Variants in EXOG observed in about 807,000 individuals in gnomAD.
EXOG encodes the protein exo/endonuclease G.
In EXOG, 27 loss-of-function variants were observed where a neutral mutation model predicts 25.8. That is an observed-to-expected ratio of 1.05 (90% CI 0.77 to 1.45). EXOG has a LOEUF of 1.45. Among genes scored for constraint, EXOG ranks in the 40% most tolerant of loss-of-function variants. EXOG has a pLI of 0.00. For missense variants in EXOG, 458 were observed against 450.5 expected, an observed-to-expected ratio of 1.02 and a Z score of -0.15; for synonymous variants, 133 against 167.0, an observed-to-expected ratio of 0.80 and a Z score of 1.57.
chr3:38,517,570 G>C (rs1208485833), intron 5 of EXOG, among the ~76,000 whole-genome samples: 1 of 152,222 alleles, frequency 6.6e-6, no homozygotes, highest in Non-Finnish European at 1.5e-5. Context: ...TGTCAGGTGT[G>C]TTCACCACAT....
Position 38,525,368 on chromosome 3 carries a change from A to G in EXOG, c.*1006A>G, listed in dbSNP as rs2060844759. 1.0e-6 allele frequency: 1 copy of G among 985,254 alleles called. No individual in the cohort carries two copies. Among genetic ancestry groups the G allele is most frequent in the South Asian group, 4.7e-5 (1 of 21,286 alleles). 61.0% of individuals were successfully genotyped at this position (985,254 alleles called of 1,614,324 possible). On this transcript the variant is annotated 3_prime_UTR_variant, in exon 6 of 6. Coordinates refer to ENST00000287675, the MANE Select transcript of EXOG (RefSeq NM_005107.4). The stretch of plus-strand genomic sequence containing the variant: ...TACTCAGAAATATATACCTATTTCC[A>G]TGGGTATTTGTGGGCCTGAGGCATG...
rs539774667 is a variant in EXOG at position 38,507,511 on chromosome 3, T to A, written c.645+543T>A. ...TGGGTGGCTCAAGGGGTATGAAGAG[T>A]TCCATAACAACAGGTGGACGGGTGA... On this transcript the variant is annotated intron_variant, in intron 5 of 5. Coordinates refer to ENST00000287675, the MANE Select transcript of EXOG (RefSeq NM_005107.4). Among the ~76,000 whole-genome samples, 4 of 152,184 alleles carry A rather than the reference T, an allele frequency of 2.6e-5. No homozygotes were observed. The South Asian group carries it at 8.3e-4, about 32-fold the overall frequency.
Position 38,501,551 on chromosome 3 carries a change from G to A in EXOG, c.453+57G>A, listed in dbSNP as rs556277855. On this transcript the variant is annotated intron_variant, in intron 3 of 5. Transcript: ENST00000287675. The stretch of plus-strand genomic sequence containing the variant: ...TGGGGCTGATGTTATGCATACAACA[G>A]GAATTAGAGGTTTAAAAACCTAGGA... The A allele has an allele frequency of 1.5e-5, 23 of 1,491,492 alleles. No individual in the cohort carries two copies. In the African/African-American group the frequency reaches 2.6e-4, roughly 17 times the overall value. 92.4% of individuals were successfully genotyped at this position (1,491,492 alleles called of 1,614,324 possible).
At position 38,524,795 on chromosome 3, in the gene EXOG, G is replaced by A. The variant is rs568740833; in HGVS notation, c.*433G>A. ...GGCTGATCTTGTGTCAAGTTAACAG[G>A]AAGACTGCCCACAGATGACACTGCA... is the stretch of plus-strand genomic sequence containing the variant. On this transcript the variant is annotated 3_prime_UTR_variant, in exon 6 of 6. Coordinates refer to ENST00000287675, the MANE Select transcript of EXOG (RefSeq NM_005107.4). 7.1e-6 allele frequency: 7 copies of A among 989,504 alleles called. No homozygotes were observed. Among genetic ancestry groups the A allele is most frequent in the Non-Finnish European group, 8.4e-6 (7 of 832,844 alleles). The allele number at this position is 989,504 out of a possible 1,614,324, so 61.3% of individuals were successfully genotyped here.
chr3:38,498,971 C>A (rs772957227), intron 2 of EXOG: 22 of 456,606 alleles, frequency 4.8e-5, no homozygotes, highest in South Asian at 2.9e-4. Context: ...TTTCTTCTCT[C>A]TCTCAACCTT....
intron 2 of EXOG, 58 bp from the exon 3 acceptor site, chr3:38,501,297 G>A: frequency 2.0e-6 from 3 of 1,524,212 alleles, no homozygotes; most frequent in Non-Finnish European, 2.7e-6. Context: ...CTTGCTTAGA[G>A]AATCTTGAGG....
chr3:38,520,797 C>T (rs2051216), intron 5 of EXOG, among the ~76,000 whole-genome samples: 88,112 of 152,126 alleles, frequency 0.58, 28,131 homozygotes, highest in African/African-American at 0.84. Flanking sequence ...AATCCACCCA[C>T]GGGGATGGCT....
At chr3:38,513,835 C>A (rs1190800159) in intron 5 of EXOG, 1 of 152,150 alleles carries the variant, frequency 6.6e-6, no homozygotes, top group Non-Finnish European at 1.5e-5. Context: ...AGAGTACCCT[C>A]ATGGAGCATG....
chr3:38,519,049 G>C (rs1400405089), intron 5 of EXOG, among the ~76,000 whole-genome samples: 1 of 152,176 alleles, frequency 6.6e-6, no homozygotes, highest in Non-Finnish European at 1.5e-5. Context: ...GGAGTTACAA[G>C]TGATACTTGC....
intron 5 of EXOG, chr3:38,515,541 G>A (rs890784090): frequency 3.2e-5 from 6 of 189,678 alleles, no homozygotes; most frequent in Non-Finnish European, 4.8e-5. Context: ...CCAGCTCCTC[G>A]GTGAGGAACT....
Position 38,496,649 on chromosome 3 carries a change from G to A in EXOG, c.163+119G>A. On this transcript the variant is annotated intron_variant, in intron 1 of 5. Coordinates refer to ENST00000287675, the MANE Select transcript of EXOG (RefSeq NM_005107.4). ...TCACCGTTTGCTGGGCCCCTAGCCT[G>A]GCCCTTGGTTTCTGACCTTTATTCT... 4 of 1,475,712 alleles carry A rather than the reference G, an allele frequency of 2.7e-6. No individual in the cohort carries two copies. In the Admixed American group the frequency reaches 9.4e-5, roughly 35 times the overall value. 91.4% of individuals were successfully genotyped at this position (1,475,712 alleles called of 1,614,324 possible).
intron 5 of EXOG, among the ~76,000 whole-genome samples, chr3:38,520,244 A>C (rs2060673297): frequency 6.6e-6 from 1 of 152,076 alleles, no homozygotes; most frequent in Admixed American, 6.6e-5. Flanking sequence ...TCTTGGATGG[A>C]AGGAAACAAG....
intron 1 of EXOG, chr3:38,497,262 C>G: frequency 9.8e-7 from 1 of 1,018,932 alleles, no homozygotes; most frequent in African/African-American, 1.7e-5. Flanking sequence ...TTGGTTTCTC[C>G]CACTAGGAAA....
chr3:38,502,801 G>A (rs1309075208), intron 3 of EXOG, among the ~76,000 whole-genome samples: 1 of 152,002 alleles, frequency 6.6e-6, no homozygotes, highest in Non-Finnish European at 1.5e-5. Context: ...CTTTAATCTA[G>A]AATGATTTCC....
At chr3:38,509,847 A>G (rs1211554460) in intron 5 of EXOG, among the ~76,000 whole-genome samples, 1 of 152,242 alleles carries the variant, frequency 6.6e-6, no homozygotes, top group Non-Finnish European at 1.5e-5. Flanking sequence ...TCTGCATACC[A>G]TAGAATGTCA....
rs1433122064 is a variant in EXOG at position 38,506,891 on chromosome 3, G to A, written c.568G>A (p.Glu190Lys). 6.2e-7 allele frequency: 1 copy of A among 1,604,626 alleles called. No individual in the cohort carries two copies. The highest frequency in any genetic ancestry group is 1.7e-5 in the Admixed American group (1 of 59,906). ...CTGTCGAGAGCTGACAGAAAGGTTTGAAGATGTTTGGGTGGTATCTGGGCC... is the reference window on the plus strand; with the variant it reads ...CTGTCGAGAGCTGACAGAAAGGTTTAAAGATGTTTGGGTGGTATCTGGGCC... ...MYCRELTERF[E>K]DVWVVSGPLT... The change falls in exon 5 of 6, where the codon GAA (glutamate) becomes AAA (lysine). Residue 190 changes from glutamate to lysine, a missense_variant. Physicochemically the swap from Glu to Lys is moderately conservative, Grantham distance 56. Around this residue, in one of 3 missense-constraint regions of EXOG, gnomAD observed 178 missense variants for 203.7 expected, o/e 0.87. Transcript: ENST00000287675.
chr3:38,497,929 C>T, intron 2 of EXOG, 151 bp downstream of exon 2: 1 of 1,008,796 alleles, frequency 9.9e-7, no homozygotes, highest in Non-Finnish European at 1.4e-6. Context: ...TTAAATCAAC[C>T]CTGCCTGGCA....
At chr3:38,519,957 G>T (rs909660054) in intron 5 of EXOG, among the ~76,000 whole-genome samples, 2 of 152,020 alleles carry the variant, frequency 1.3e-5, no homozygotes, top group African/African-American at 4.8e-5. Flanking sequence ...TCACTTGATC[G>T]GCATGACTTT....
At chr3:38,496,586 T>C (rs2059895492) in intron 1 of EXOG, 56 bp downstream of exon 1, 5 of 1,571,212 alleles carry the variant, frequency 3.2e-6, no homozygotes, top group Non-Finnish European at 4.3e-6. Context: ...CTCCGACTCC[T>C]ACCTGGAGTG....
Sources: gnomAD v4.1 joint callset for allele counts (sites outside exome capture counted in the v4.1 genomes callset) on GRCh38, gnomAD v4.1.1 for gene constraint, gnomAD v4.1.1 regional missense constraint, MANE v1.5 for transcripts, NCBI Gene and HGNC (gene_info 2026-07-23, HGNC 2026-07-21) for gene names.